Variants in ADAMTSL2 observed in about 807,000 individuals in gnomAD.
The protein encoded by ADAMTSL2 is ADAMTS-like protein 2.
ADAMTSL2 carries 55 observed loss-of-function variants against 117.0 expected under a neutral mutation model. That is an observed-to-expected ratio of 0.47 (90% CI 0.38 to 0.59). The LOEUF is 0.59. Among genes scored for constraint, ADAMTSL2 ranks in the 20% least tolerant of loss-of-function variants. ADAMTSL2 has a pLI of 0.00. For synonymous variants in ADAMTSL2, 572 were observed against 566.4 expected (o/e 1.01, Z -0.14); for missense variants, 1,182 against 1,354.5 (o/e 0.87, Z 2.00).
intron 8 of ADAMTSL2, among the ~76,000 whole-genome samples, chr9:133,545,594 C>T (rs987328726): frequency 6.6e-5 from 10 of 152,208 alleles, no homozygotes; most frequent in Admixed American, 4.6e-4. Context: ...CTCCCTGGCC[C>T]GAGCGGGGAG....
At chr9:133,544,100 A>AT (rs1267831657) in intron 7 of ADAMTSL2, among the ~76,000 whole-genome samples, 1 of 152,254 alleles carries the variant, frequency 6.6e-6, no homozygotes, top group Non-Finnish European at 1.5e-5. Context: ...GGCAGTGACA[A>AT]TGCACGCAGG....
chr9:133,571,756 AC>A (rs1410493438), intron 17 of ADAMTSL2, among the ~76,000 whole-genome samples: 2 of 151,992 alleles, frequency 1.3e-5, no homozygotes, highest in African/African-American at 4.8e-5. Flanking sequence ...TGAGAGGGGG[AC>A]CTGGGGGTGT....
intron 9 of ADAMTSL2, among the ~76,000 whole-genome samples, chr9:133,548,537 G>A (rs938251685): frequency 3.3e-5 from 5 of 152,128 alleles, no homozygotes; most frequent in Admixed American, 6.5e-5. Context: ...TGTCAGGAGC[G>A]GTCTCAGGAA....
intron 17 of ADAMTSL2, 65 bp from the exon 18 acceptor site, chr9:133,573,778 C>G: frequency 6.3e-7 from 1 of 1,599,662 alleles, no homozygotes; most frequent in Non-Finnish European, 8.6e-7. Flanking sequence ...AGGTTCCCCG[C>G]CCCCTGCCCA....
Position 133,574,747 on chromosome 9 carries a change from T to A in ADAMTSL2, c.2739T>A (p.Asp913Glu). Residue 913 changes from aspartate (D) to glutamate (E), a missense_variant and splice_region_variant, in exon 19 of 19, where the codon GAT becomes GAA. Physicochemically the swap from Asp to Glu is conservative, Grantham distance 45. Transcript: ENST00000651351. ...CTTCGCTCTGTGTTCCTTCTCCAGA[T>A]GACAGCTGCCAGGACCAGCCAGGCA... ...DLQPCPTEPP[D>E]DSCQDQPGTN... 6.2e-7 allele frequency: 1 copy of A among 1,613,248 alleles called. No individual in the cohort carries two copies. The highest frequency in any genetic ancestry group is 1.1e-5 in the South Asian group (1 of 91,082).
At chr9:133,565,819 G>A (rs1441154538) in intron 12 of ADAMTSL2, among the ~76,000 whole-genome samples, 2 of 150,446 alleles carry the variant, frequency 1.3e-5, no homozygotes, top group Non-Finnish European at 3.0e-5. Context: ...ATCCCGGAAG[G>A]CTGGGTCTGT....
At chr9:133,549,541 C>CTT (rs33971536) in intron 9 of ADAMTSL2, among the ~76,000 whole-genome samples, 5 of 134,846 alleles carry the variant, frequency 3.7e-5, no homozygotes, top group African/African-American at 2.8e-5. Context: ...CTTTCCTACT[C>CTT]TTTTTTTTTT....
chr9:133,550,817 G>T (rs1199965864), intron 9 of ADAMTSL2, among the ~76,000 whole-genome samples: 1 of 152,168 alleles, frequency 6.6e-6, no homozygotes, highest in Non-Finnish European at 1.5e-5. Context: ...GTGGGGTGAT[G>T]ATGCCTGTGA....
Position 133,555,881 on chromosome 9 carries a change from G to T in ADAMTSL2, c.1600G>T (p.Val534Phe), listed in dbSNP as rs1414745590. The T allele has an allele frequency of 5.6e-6, 9 of 1,613,132 alleles. No individual in the cohort carries two copies. Among genetic ancestry groups the T allele is most frequent in the Non-Finnish European group, 7.6e-6 (9 of 1,179,964 alleles). ...CTCCTCCGAGGCCCCATTCCCCAAC[G>T]TTAGCACCAGCCTGCTCACCTCGGC... Reference protein sequence around the residue: ...NSSSEAPFPNVSTSLLTSAGN... With the variant: ...NSSSEAPFPNFSTSLLTSAGN... The change falls in exon 11 of 19, where the codon GTT becomes TTT. Residue 534 changes from valine to phenylalanine, a missense_variant. Val to Phe is a conservative substitution (Grantham distance 50). Transcript: ENST00000651351.
At chr9:133,559,387 G>C (rs1269379785) in intron 11 of ADAMTSL2, among the ~76,000 whole-genome samples, 9 of 126,424 alleles carry the variant, frequency 7.1e-5, no homozygotes, top group African/African-American at 2.4e-4. Context: ...TCACTCTGTT[G>C]CTCAGGAGTG....
chr9:133,568,768 G>A lies in ADAMTSL2; in HGVS notation c.2244+10G>A. 6.2e-7 allele frequency: 1 copy of A among 1,612,924 alleles called. No homozygotes were observed. Among genetic ancestry groups the A allele is most frequent in the Non-Finnish European group, 8.5e-7 (1 of 1,179,970 alleles). On this transcript the variant is annotated intron_variant, in intron 15 of 18. Transcript: ENST00000651351. ...CTCCGACTGGGGACCGGTGAGGCCT[G>A]CACTGAGGGGTGGCTGGGCGTGCGG... is the stretch of plus-strand genomic sequence containing the variant.
intron 17 of ADAMTSL2, among the ~76,000 whole-genome samples, 172 bp from the exon 18 acceptor site, chr9:133,573,671 A>G (rs968881491): frequency 6.6e-6 from 1 of 151,924 alleles, no homozygotes. Flanking sequence ...TCAGCCTTGG[A>G]GCCGCAGGTC....
Position 133,534,869 on chromosome 9 carries a change from C to G in ADAMTSL2, c.-199C>G. 3 of 1,481,524 alleles carry G rather than the reference C, an allele frequency of 2.0e-6. No homozygotes were observed. The highest frequency in any genetic ancestry group is 1.8e-6 in the Non-Finnish European group (2 of 1,111,244). The allele number at this position is 1,481,524 out of a possible 1,614,324, so 91.8% of individuals were successfully genotyped here. ...CGCACCTGGCGCCGTCTGCCCTCCG[C>G]AGCGCTCGCCCCTTTCTCTGGGAGG... On this transcript the variant is annotated 5_prime_UTR_variant, in exon 1 of 19. Transcript: ENST00000651351.
Position 133,574,999 on chromosome 9 carries a change from CG to C in ADAMTSL2, c.*136del. 1.4e-6 allele frequency: 1 copy of C among 698,714 alleles called. No individual in the cohort carries two copies. The highest frequency in any genetic ancestry group is 1.8e-5 in the African/African-American group (1 of 56,318). 43.3% of individuals were successfully genotyped at this position (698,714 alleles called of 1,614,324 possible). A position where few individuals can be genotyped will look rare whatever the true frequency, so the allele number is the denominator to read the frequency against. On this transcript the variant is annotated 3_prime_UTR_variant, in exon 19 of 19. Coordinates refer to ENST00000651351, the MANE Select transcript of ADAMTSL2 (RefSeq NM_014694.4). ...AGACGTGGCACTGAGCCTCGGCTGT[CG>C]AGAGGGGACTTCCCACGGCCCGTGG...
At chr9:133,539,599 C>T (rs1026927921) in intron 4 of ADAMTSL2, among the ~76,000 whole-genome samples, 172 bp from the exon 5 acceptor site, 49 of 69,294 alleles carry the variant, frequency 7.1e-4, no homozygotes, top group South Asian at 1.9e-3. Context: ...CTCCTGAGAG[C>T]GCATGGGAGC....
At chr9:133,542,294 C>T (rs1232848875) in intron 7 of ADAMTSL2, among the ~76,000 whole-genome samples, 4 of 152,176 alleles carry the variant, frequency 2.6e-5, no homozygotes, top group South Asian at 2.1e-4. Context: ...TCCAGCAGGG[C>T]GAGGTGGGCA....
In ADAMTSL2 at chr9:133,539,425, C is replaced by T. The variant is rs563018523; in HGVS notation, c.310-346C>T. Among the ~76,000 whole-genome samples the T allele has an allele frequency of 2.8e-4, 43 of 152,358 alleles. No homozygotes were observed. The South Asian group carries it at 6.6e-3, about 23-fold the overall frequency. On this transcript the variant is annotated intron_variant, in intron 4 of 18. Transcript: ENST00000651351. ...ACTGTAGACACACAGTCAGGGCCTG[C>T]TGAGGACACGGGCGAGGGGAGCACC...
rs1362887844 is a variant in ADAMTSL2, at chr9:133,561,214, C to G, written c.1666C>G (p.Arg556Gly). 4 of 1,607,454 alleles carry G rather than the reference C, an allele frequency of 2.5e-6. No individual in the cohort carries two copies. In the Admixed American group the frequency reaches 6.7e-5, roughly 27 times the overall value. Residue 556 changes from arginine (R) to glycine (G), a missense_variant, in exon 12 of 19, where the codon CGC becomes GGC. Arg to Gly is a moderately radical substitution (Grantham distance 125). Transcript: ENST00000651351. Reference protein sequence around the residue: ...THKARTRPKARKQGVSPADMY... With the variant: ...THKARTRPKAGKQGVSPADMY... ...CGCTTTCAGGACCAGGCCCAAGGCG[C>G]GCAAGCAAGGCGTGAGTCCCGCGGA... is the stretch of plus-strand genomic sequence containing the variant.
chr9:133,544,585 G>A (rs1192211069), intron 8 of ADAMTSL2, 35 bp downstream of exon 8: 3 of 1,583,654 alleles, frequency 1.9e-6, no homozygotes, highest in Non-Finnish European at 2.6e-6. Flanking sequence ...GCCTCACTGA[G>A]CTTTTGGTTG....
Sources: allele counts gnomAD v4.1 joint callset (sites outside exome capture counted in the v4.1 genomes callset), GRCh38; gene constraint gnomAD v4.1.1; transcripts MANE v1.5; gene names NCBI Gene and HGNC (gene_info 2026-07-23, HGNC 2026-07-21).